SLCO6A1: variants seen among roughly 807,000 people sequenced by gnomAD.
The protein encoded by SLCO6A1 is solute carrier organic anion transporter family member 6A1.
SLCO6A1 carries 65 observed loss-of-function variants against 72.7 expected under a neutral mutation model. The ratio of observed to expected loss-of-function variants is 0.89; its 90% CI spans 0.73 to 1.10. The LOEUF (loss-of-function observed/expected upper bound fraction) is 1.10. Among genes scored for constraint, SLCO6A1 ranks in the 50% least tolerant of loss-of-function variants. The pLI, the probability that SLCO6A1 is intolerant of heterozygous loss-of-function variation, is 0.00. For missense variants in SLCO6A1, 874 were observed against 872.6 expected (o/e 1.00, Z -0.02); for synonymous variants, 314 against 298.2 (o/e 1.05, Z -0.55).
rs1414123388 is a variant in SLCO6A1, at chr5:102,388,824, C to T, written c.1881G>A (p.Gly627=). The part of the protein sequence containing the change: ...GVSYVILRIF[G]TIPGPSIFKM... ...TAAAGATTGATGGTCCAGGAATAGT[C>T]CCTATGAAAAATGCAATGATTGTAA... is the stretch of plus-strand genomic sequence containing the variant. Residue 627 remains glycine (G), a splice_region_variant and synonymous_variant, in exon 12 of 14, where the codon GGG becomes GGA. Coordinates refer to ENST00000506729, the MANE Select transcript of SLCO6A1 (RefSeq NM_173488.5). 3.1e-6 allele frequency: 5 copies of T among 1,590,932 alleles called. No homozygotes were observed. Among genetic ancestry groups the T allele is most frequent in the African/African-American group, 1.4e-5 (1 of 73,416 alleles).
intron 5 of SLCO6A1, 52 bp from the exon 6 acceptor site, chr5:102,458,543 C>G (rs1364623740): frequency 7.6e-7 from 1 of 1,315,390 alleles, no homozygotes; most frequent in South Asian, 1.3e-5. Context: ...AACTAAAACC[C>G]ATACATAAAA....
intron 7 of SLCO6A1, among the ~76,000 whole-genome samples, chr5:102,431,642 T>C (rs1039975037): frequency 2.0e-5 from 3 of 152,362 alleles, no homozygotes; most frequent in African/African-American, 4.8e-5. Context: ...AGGATTGTTA[T>C]ATATCTGATT....
chr5:102,457,032 G>A (rs1750760467), intron 6 of SLCO6A1, among the ~76,000 whole-genome samples: 5 of 152,170 alleles, frequency 3.3e-5, no homozygotes, highest in Admixed American at 3.3e-4. Flanking sequence ...ATGGTGCTGG[G>A]AAAACTGGCT....
intron 13 of SLCO6A1, among the ~76,000 whole-genome samples, chr5:102,373,050 C>A (rs550897137): frequency 6.6e-6 from 1 of 151,952 alleles, no homozygotes; most frequent in African/African-American, 2.4e-5. Flanking sequence ...CAAAGGCCAA[C>A]AACTAATGGG....
intron 6 of SLCO6A1, among the ~76,000 whole-genome samples, chr5:102,441,500 G>A (rs191886860): frequency 5.7e-4 from 86 of 152,174 alleles, no homozygotes; most frequent in African/African-American, 2.0e-3. Context: ...ATGGGAAATA[G>A]GTCCAGTGCT....
chr5:102,458,111 G>A (rs1750830448), intron 6 of SLCO6A1, among the ~76,000 whole-genome samples: 1 of 152,028 alleles, frequency 6.6e-6, no homozygotes, highest in Non-Finnish European at 1.5e-5. Flanking sequence ...TGGGGTGGGT[G>A]GAGGGGGGAG....
chr5:102,410,807 T>C (rs989835180), intron 9 of SLCO6A1, among the ~76,000 whole-genome samples: 1 of 152,144 alleles, frequency 6.6e-6, no homozygotes, highest in African/African-American at 2.4e-5. Context: ...ACATGTGTTA[T>C]TGCCCCATGA....
At chr5:102,470,005 G>A (rs1410555403) in intron 4 of SLCO6A1, among the ~76,000 whole-genome samples, 1 of 152,186 alleles carries the variant, frequency 6.6e-6, no homozygotes, top group Admixed American at 6.6e-5. Context: ...TCCCAGGGAT[G>A]AAGCCCACTT....
chr5:102,488,616 G>T (rs1752542674), intron 1 of SLCO6A1, among the ~76,000 whole-genome samples: 1 of 152,180 alleles, frequency 6.6e-6, no homozygotes, highest in African/African-American at 2.4e-5. Flanking sequence ...ATGGGGACAA[G>T]ATTCAGGAGA....
In SLCO6A1 at chr5:102,461,963, A is replaced by G. The variant is rs980519668; in HGVS notation, c.900-2186T>C. Among the ~76,000 whole-genome samples the G allele has an allele frequency of 5.9e-5, 9 of 152,264 alleles. No homozygotes were observed. In the East Asian group the frequency reaches 1.7e-3, roughly 29 times the overall value. On this transcript the variant is annotated intron_variant, in intron 4 of 13. Coordinates refer to ENST00000506729, the MANE Select transcript of SLCO6A1 (RefSeq NM_173488.5). ...TACTGTTCACCAATGATATGATTAT[A>G]TAGCTAGAAAACCATAAAGACCCAT...
In SLCO6A1 at chr5:102,480,237, G is replaced by T; in HGVS notation, c.556C>A (p.Leu186Ile). 6.2e-7 allele frequency: 1 copy of T among 1,612,666 alleles called. No homozygotes were observed. Among genetic ancestry groups the T allele is most frequent in the Non-Finnish European group, 8.5e-7 (1 of 1,179,224 alleles). ...ASSFLIGLGS[L>I]LCAFPSINEE... ...TTAATGGATGGAAAAGCACATAAAA[G>T]TGATCCAAGTCCTATTAAAAAGGAG... Residue 186 changes from leucine (L) to isoleucine (I), a missense_variant, in exon 2 of 14, where the codon CTT becomes ATT. Physicochemically the swap from Leu to Ile is conservative, Grantham distance 5. Coordinates refer to ENST00000506729, the MANE Select transcript of SLCO6A1 (RefSeq NM_173488.5).
rs76132217 is a variant in SLCO6A1, at chr5:102,453,237, C to T, written c.1131+5145G>A. On this transcript the variant is annotated intron_variant, in intron 6 of 13. Transcript: ENST00000506729. Reference sequence around the variant, plus strand: ...AGCTGGGTATGGTGATGTGCACCTACGGTCCCAGCTACTCAGGGGGGCTGA... The same window carrying T: ...AGCTGGGTATGGTGATGTGCACCTATGGTCCCAGCTACTCAGGGGGGCTGA... Among the ~76,000 whole-genome samples, 585 of 151,690 alleles carry T rather than the reference C, an allele frequency of 3.9e-3. 7 individuals are homozygous for T. Among genetic ancestry groups the T allele is most frequent in the African/African-American group, 0.014 (563 of 41,290 alleles).
intron 7 of SLCO6A1, among the ~76,000 whole-genome samples, chr5:102,425,096 A>T (rs190422833): frequency 6.6e-6 from 1 of 152,268 alleles, no homozygotes; most frequent in East Asian, 1.9e-4. Context: ...CACTCAATAA[A>T]CTAGGTATTG....
At position 102,419,953 on chromosome 5, in the gene SLCO6A1, T is replaced by C. The variant is rs1027319769; in HGVS notation, c.1345A>G (p.Met449Val). 1.2e-6 allele frequency: 2 copies of C among 1,606,536 alleles called. No homozygotes were observed. Among genetic ancestry groups the C allele is most frequent in the Non-Finnish European group, 1.7e-6 (2 of 1,177,866 alleles). The change falls in exon 8 of 14, where the codon ATG (methionine) becomes GTG (valine). Residue 449 changes from methionine to valine, a missense_variant. Met to Val is a conservative substitution (Grantham distance 21). Transcript: ENST00000506729. ...AATCTCATAAGGGCTTTACAAGACA[T>C]TTCTAATGTGGAAACAATGACACCT... is the stretch of plus-strand genomic sequence containing the variant. ...LGGVIVSTLE[M>V]SCKALMRFIM...
At chr5:102,393,514 T>C (rs1746887118) in intron 10 of SLCO6A1, among the ~76,000 whole-genome samples, 1 of 152,194 alleles carries the variant, frequency 6.6e-6, no homozygotes. Flanking sequence ...TCTTCAGGAA[T>C]ACCCTCCCCG....
chr5:102,487,465 A>C (rs144712847), intron 1 of SLCO6A1, among the ~76,000 whole-genome samples: 13 of 152,350 alleles, frequency 8.5e-5, no homozygotes, highest in African/African-American at 3.1e-4. Flanking sequence ...AAAATACCGT[A>C]GTACAAAGTG....
chr5:102,395,932 T>C (rs1163132799), intron 10 of SLCO6A1, among the ~76,000 whole-genome samples: 1 of 152,206 alleles, frequency 6.6e-6, no homozygotes, highest in Non-Finnish European at 1.5e-5. Flanking sequence ...TTTTAGATTC[T>C]GGATATTAGC....
chr5:102,405,360 A>G (rs893492518), intron 9 of SLCO6A1, among the ~76,000 whole-genome samples: 2 of 152,022 alleles, frequency 1.3e-5, no homozygotes, highest in African/African-American at 4.8e-5. Context: ...GATAAACTCA[A>G]AGAAAACCAA....
At chr5:102,407,532 T>A (rs774265255) in intron 9 of SLCO6A1, among the ~76,000 whole-genome samples, 1 of 152,224 alleles carries the variant, frequency 6.6e-6, no homozygotes, top group South Asian at 2.1e-4. Context: ...CTCATCTGCC[T>A]GCATCAATCA....
Sources: allele counts gnomAD v4.1 joint callset (sites outside exome capture counted in the v4.1 genomes callset), GRCh38; gene constraint gnomAD v4.1.1; transcripts MANE v1.5; gene names NCBI Gene and HGNC (gene_info 2026-07-23, HGNC 2026-07-21).